Variants in RBMS3 observed in about 807,000 individuals in gnomAD.
RBMS3 encodes RNA-binding motif, single-stranded-interacting protein 3.
A neutral mutation model predicts 66.8 loss-of-function variants in RBMS3; 27 were observed. That is an observed-to-expected ratio of 0.40 (90% CI 0.30 to 0.56). The LOEUF is 0.56. Among genes scored for constraint, RBMS3 ranks in the 20% least tolerant of loss-of-function variants. The pLI, the probability that RBMS3 is intolerant of heterozygous loss-of-function variation, is 0.40. For missense variants in RBMS3, 513 were observed against 549.5 expected, an observed-to-expected ratio of 0.93 and a Z score of 0.66; for synonymous variants, 188 against 183.0, an observed-to-expected ratio of 1.03 and a Z score of -0.22.
chr3:29,534,966 A>C lies in RBMS3; in HGVS notation c.307+46467A>C, dbSNP rs577103140. On this transcript the variant is annotated intron_variant, in intron 3 of 14. Transcript: ENST00000383767. ...GAGAAAAGAAAAAAAAAACACAGTC[A>C]ACAATAGGATATATGGTAGCAACTG... 1.8e-4 allele frequency among the ~76,000 whole-genome samples: 27 copies of C among 152,306 alleles called. No individual in the cohort carries two copies. The South Asian group carries it at 2.5e-3, about 14-fold the overall frequency.
At chr3:29,447,905 A>G (rs1671629800) in intron 2 of RBMS3, among the ~76,000 whole-genome samples, 1 of 152,198 alleles carries the variant, frequency 6.6e-6, no homozygotes, top group Admixed American at 6.5e-5. Flanking sequence ...TGATCATTGC[A>G]GCCTTCCACA....
At chr3:29,471,354 A>C (rs1025190654) in intron 2 of RBMS3, among the ~76,000 whole-genome samples, 1 of 152,178 alleles carries the variant, frequency 6.6e-6, no homozygotes, top group African/African-American at 2.4e-5. Flanking sequence ...CTTTTCATTC[A>C]TTTAATGTTA....
chr3:29,570,689 G>A (rs556223735), intron 3 of RBMS3, among the ~76,000 whole-genome samples: 7 of 152,252 alleles, frequency 4.6e-5, no homozygotes, highest in Admixed American at 4.6e-4. Flanking sequence ...GTACTCCATT[G>A]TGTATAAGTA....
chr3:29,866,168 G>T (rs1005235765), intron 6 of RBMS3, among the ~76,000 whole-genome samples: 1 of 150,926 alleles, frequency 6.6e-6, no homozygotes, highest in East Asian at 1.9e-4. Context: ...GCTTCTGACT[G>T]TTAAGGGTGA....
intron 6 of RBMS3, among the ~76,000 whole-genome samples, chr3:29,857,792 G>A (rs115506498): frequency 0.016 from 2,402 of 152,098 alleles, 70 homozygotes; most frequent in African/African-American, 0.055. Context: ...CGTTCAGGGT[G>A]GTATGGCTGT....
At chr3:29,840,427 G>A (rs1245807578) in intron 6 of RBMS3, among the ~76,000 whole-genome samples, 1 of 151,984 alleles carries the variant, frequency 6.6e-6, no homozygotes, top group Non-Finnish European at 1.5e-5. Flanking sequence ...CATTTTTGAA[G>A]ATTTCTTTAA....
chr3:29,504,099 C>A (rs903626624), intron 3 of RBMS3, among the ~76,000 whole-genome samples: 1 of 151,410 alleles, frequency 6.6e-6, no homozygotes, highest in Non-Finnish European at 1.5e-5. Context: ...ACCTTTAGAT[C>A]CACTCCAGAA....
rs553965443 is a variant in RBMS3, at chr3:29,536,596, G to A, written c.307+48097G>A. On this transcript the variant is annotated intron_variant, in intron 3 of 14. Coordinates refer to ENST00000383767, the MANE Select transcript of RBMS3 (RefSeq NM_001003793.3). ...CAAGGGGTTAGGCAAACTTGGAGAC[G>A]TGTCAGAAGAAGAGCTTACCAACCT... Among the ~76,000 whole-genome samples the A allele has an allele frequency of 6.0e-4, 91 of 152,232 alleles. 1 individual carries two copies. Among genetic ancestry groups the A allele is most frequent in the African/African-American group, 2.1e-3 (88 of 41,528 alleles).
rs142335935 is a variant in RBMS3, at chr3:29,363,608, G to A, written c.76-71135G>A. The stretch of plus-strand genomic sequence containing the variant: ...GTTTGAGACCAGCCTGGCCGATATG[G>A]CGAAACCCCATCTGTACTAAAAACA... On this transcript the variant is annotated intron_variant, in intron 1 of 14. Coordinates refer to ENST00000383767, the MANE Select transcript of RBMS3 (RefSeq NM_001003793.3). Among the ~76,000 whole-genome samples, 732 of 152,112 alleles carry A rather than the reference G, an allele frequency of 4.8e-3. 8 individuals carry two copies. Among genetic ancestry groups the A allele is most frequent in the African/African-American group, 0.016 (662 of 41,492 alleles).
intron 4 of RBMS3, among the ~76,000 whole-genome samples, chr3:29,735,887 A>C (rs1317406647): frequency 6.6e-6 from 1 of 152,198 alleles, no homozygotes; most frequent in Non-Finnish European, 1.5e-5. Flanking sequence ...TTAGATAACA[A>C]GATTGGATAA....
At chr3:29,840,145 A>G (rs1188925113) in intron 6 of RBMS3, among the ~76,000 whole-genome samples, 1 of 152,038 alleles carries the variant, frequency 6.6e-6, no homozygotes, top group Non-Finnish European at 1.5e-5. Context: ...GGGCAACAGC[A>G]TATCGGCTGA....
chr3:29,719,056 C>T (rs2053528543), intron 4 of RBMS3, among the ~76,000 whole-genome samples: 1 of 152,124 alleles, frequency 6.6e-6, no homozygotes, highest in African/African-American at 2.4e-5. Context: ...GCTTCTCAAG[C>T]TTTTATGTAC....
chr3:29,539,523 T>G (rs1442612663), intron 3 of RBMS3, among the ~76,000 whole-genome samples: 1 of 152,138 alleles, frequency 6.6e-6, no homozygotes, highest in Non-Finnish European at 1.5e-5. Context: ...TCTAATCTTC[T>G]TTGGACTCAA....
chr3:29,408,635 T>G (rs2040131149), intron 1 of RBMS3, among the ~76,000 whole-genome samples: 1 of 152,162 alleles, frequency 6.6e-6, no homozygotes, highest in African/African-American at 2.4e-5. Flanking sequence ...ATGATACACT[T>G]TTTTTATATA....
At chr3:29,542,465 A>C (rs1216738043) in intron 3 of RBMS3, among the ~76,000 whole-genome samples, 1 of 152,120 alleles carries the variant, frequency 6.6e-6, no homozygotes, top group Non-Finnish European at 1.5e-5. Flanking sequence ...GGATCAAGCG[A>C]TTCTCCCGCC....
rs978530455 is a variant in RBMS3 at position 29,637,021 on chromosome 3, G to A, written c.399+49816G>A. ...TCAGACCCAGGTTATTAGCAGCATGGAAGCTCCTAATGAGGCTGGAGAAAG... is the reference window on the plus strand; with the variant it reads ...TCAGACCCAGGTTATTAGCAGCATGAAAGCTCCTAATGAGGCTGGAGAAAG... On this transcript the variant is annotated intron_variant, in intron 4 of 14. Transcript: ENST00000383767. Among the ~76,000 whole-genome samples the A allele has an allele frequency of 3.3e-5, 5 of 151,938 alleles. No homozygotes were observed. In the East Asian group the frequency reaches 9.7e-4, roughly 29 times the overall value.
At chr3:29,662,558 C>T (rs2050595737) in intron 4 of RBMS3, among the ~76,000 whole-genome samples, 1 of 152,158 alleles carries the variant, frequency 6.6e-6, no homozygotes, top group Admixed American at 6.5e-5. Context: ...AACCTGTTAA[C>T]AAAACCATGC....
At chr3:29,311,896 C>T (rs760993810) in intron 1 of RBMS3, among the ~76,000 whole-genome samples, 49 of 151,786 alleles carry the variant, frequency 3.2e-4, no homozygotes, top group Non-Finnish European at 4.6e-4. Context: ...GATGTATGCC[C>T]TTAGAGAGGC....
At chr3:29,321,945 ATG>A (rs200600594) in intron 1 of RBMS3, among the ~76,000 whole-genome samples, 6,042 of 152,256 alleles carry the variant, frequency 0.04, 151 homozygotes, top group South Asian at 0.069. Context: ...ATTTAATTCA[ATG>A]ATTTTTCAAA....
Sources: gnomAD v4.1 joint callset for allele counts (sites outside exome capture counted in the v4.1 genomes callset) on GRCh38, gnomAD v4.1.1 for gene constraint, MANE v1.5 for transcripts, NCBI Gene and HGNC (gene_info 2026-07-23, HGNC 2026-07-21) for gene names.